Variants in STK4 observed in about 807,000 individuals in gnomAD.
The protein encoded by STK4 is serine/threonine kinase 4, also known as serine/threonine-protein kinase 4.
In STK4, 30 loss-of-function variants were observed where a neutral mutation model predicts 64.9. That is an observed-to-expected ratio of 0.46 (90% CI 0.35 to 0.63). STK4 has a LOEUF of 0.63. Ranked by LOEUF, STK4 falls within the 20% of genes least tolerant of loss-of-function variation. The pLI is 0.01. For synonymous variants in STK4, 177 were observed against 199.0 expected, an observed-to-expected ratio of 0.89 and a Z score of 0.93; for missense variants, 466 against 598.5, an observed-to-expected ratio of 0.78 and a Z score of 2.31.
At chr20:44,981,059 T>C (rs1475474947) in intron 3 of STK4, among the ~76,000 whole-genome samples, 1 of 151,978 alleles carries the variant, frequency 6.6e-6, no homozygotes, top group Non-Finnish European at 1.5e-5. Flanking sequence ...GCCTGCTTTT[T>C]TGTTTGTTTG....
intron 10 of STK4, among the ~76,000 whole-genome samples, chr20:45,050,720 T>A (rs190863969): frequency 6.6e-6 from 1 of 152,164 alleles, no homozygotes; most frequent in African/African-American, 2.4e-5. Flanking sequence ...TAAAGCTTTG[T>A]ATATGGTATC....
intron 5 of STK4, among the ~76,000 whole-genome samples, chr20:44,991,062 G>A (rs1269155312): frequency 6.6e-6 from 1 of 151,902 alleles, no homozygotes; most frequent in South Asian, 2.1e-4. Context: ...TTTTATTCTT[G>A]TAGATTTATT....
In STK4 at chr20:45,001,270, T is replaced by C. The variant is rs35944046; in HGVS notation, c.1064T>C (p.Ile355Thr). 2,645 of 1,614,118 alleles carry C rather than the reference T, an allele frequency of 1.6e-3. 65 individuals are homozygous for C. The East Asian group carries it at 0.049, about 30-fold the overall frequency. ...ATGACTGATGGAGCCAATACTATGA[T>C]TGAGCACGATGACACGTTGCCATCA... ...STMTDGANTM[I>T]EHDDTLPSQL... Residue 355 changes from isoleucine (I) to threonine (T), a missense_variant, in exon 9 of 11, where the codon ATT (isoleucine) becomes ACT (threonine). By Grantham distance (89) the Ile-to-Thr change is moderately conservative. Coordinates refer to ENST00000372806, the MANE Select transcript of STK4 (RefSeq NM_006282.5).
intron 10 of STK4, among the ~76,000 whole-genome samples, chr20:45,045,745 A>G (rs958299192): frequency 1.3e-5 from 2 of 151,724 alleles, no homozygotes; most frequent in Non-Finnish European, 2.9e-5. Flanking sequence ...TTTCTTATTT[A>G]CTTTCTAATT....
rs1980777884 is a variant in STK4 at position 45,079,898 on chromosome 20, C to T, written c.*4722C>T. 1 of 152,352 alleles carries T rather than the reference C, an allele frequency of 6.6e-6. No individual in the cohort carries two copies. Among genetic ancestry groups the T allele is most frequent in the Non-Finnish European group, 1.5e-5 (1 of 68,016 alleles). 9.4% of individuals were successfully genotyped at this position (152,352 alleles called of 1,614,324 possible). A position where few individuals can be genotyped will look rare whatever the true frequency, so the allele number is the denominator to read the frequency against. ...TTAGAATTGTTGTTCTCCTTCTTTT[C>T]TTCTTCCTATACCTCATCACGTTTG... On this transcript the variant is annotated 3_prime_UTR_variant, in exon 11 of 11. Coordinates refer to ENST00000372806, the MANE Select transcript of STK4 (RefSeq NM_006282.5).
At chr20:45,022,159 A>G (rs990928254) in intron 9 of STK4, among the ~76,000 whole-genome samples, 3 of 152,206 alleles carry the variant, frequency 2.0e-5, no homozygotes, top group Non-Finnish European at 4.4e-5. Context: ...TGGCAATCTG[A>G]TAAATGTAAC....
intron 9 of STK4, among the ~76,000 whole-genome samples, chr20:45,005,842 G>A (rs1172418452): frequency 6.6e-6 from 1 of 151,772 alleles, no homozygotes; most frequent in Non-Finnish European, 1.5e-5. Context: ...AATTTGTATG[G>A]TTAATAAAAG....
At chr20:44,986,917 T>C (rs982165099) in intron 4 of STK4, among the ~76,000 whole-genome samples, 1 of 152,158 alleles carries the variant, frequency 6.6e-6, no homozygotes, top group African/African-American at 2.4e-5. Context: ...CTAGGTATTC[T>C]AGTTGGAGAT....
intron 10 of STK4, among the ~76,000 whole-genome samples, chr20:45,034,087 A>G (rs1269794798): frequency 6.6e-6 from 1 of 152,114 alleles, no homozygotes; most frequent in Non-Finnish European, 1.5e-5. Context: ...ACAAAATTCA[A>G]ATCCCTGTAA....
Position 44,997,178 on chromosome 20 carries a change from A to C in STK4, c.703A>C (p.Met235Leu). The C allele has an allele frequency of 6.2e-7, 1 of 1,613,872 alleles. No homozygotes were observed. The highest frequency in any genetic ancestry group is 2.2e-5 in the East Asian group (1 of 44,876). Residue 235 changes from methionine (M) to leucine (L), a missense_variant, in exon 7 of 11, where the codon ATG (methionine) becomes CTG (leucine). Coordinates refer to ENST00000372806, the MANE Select transcript of STK4 (RefSeq NM_006282.5). ...TGTTTGTTCTAACCAGGCAATCTTC[A>C]TGATTCCTACAAATCCTCCTCCCAC... ...ADIHPMRAIF[M>L]IPTNPPPTFR...
intron 7 of STK4, among the ~76,000 whole-genome samples, chr20:44,999,394 T>TC (rs1303368185): frequency 6.6e-6 from 1 of 152,176 alleles, no homozygotes; most frequent in East Asian, 1.9e-4. Context: ...AGGTATACTG[T>TC]CCATCTCTGG....
At chr20:45,005,336 G>T (rs2145706545) in intron 9 of STK4, among the ~76,000 whole-genome samples, 1 of 151,516 alleles carries the variant, frequency 6.6e-6, no homozygotes, top group Non-Finnish European at 1.5e-5. Context: ...TATTGCTTTG[G>T]TTCACCAGGT....
chr20:44,966,689 G>A, intron 1 of STK4, 86 bp downstream of exon 1: 1 of 1,240,366 alleles, frequency 8.1e-7, no homozygotes, highest in Admixed American at 4.2e-5. Flanking sequence ...CTGTGTGGGA[G>A]TCCCCGGAGC....
intron 10 of STK4, among the ~76,000 whole-genome samples, chr20:45,039,687 C>T (rs1009203494): frequency 6.6e-5 from 10 of 152,110 alleles, no homozygotes; most frequent in African/African-American, 2.4e-4. Flanking sequence ...TATATGCGGA[C>T]TTCCCATTTC....
intron 10 of STK4, among the ~76,000 whole-genome samples, chr20:45,040,045 A>ATTTT (rs34807441): frequency 7.6e-6 from 1 of 131,666 alleles, no homozygotes; most frequent in African/African-American, 2.8e-5. Context: ...ATCAGGTTCG[A>ATTTT]TTTTTTTTTT....
intron 2 of STK4, chr20:44,974,800 A>G (rs1048318797): frequency 2.6e-5 from 4 of 152,124 alleles, no homozygotes; most frequent in African/African-American, 4.8e-5. Flanking sequence ...GGGAGGATGA[A>G]TGGTTTGTGA....
chr20:45,040,978 A>G (rs2068604344), intron 10 of STK4, among the ~76,000 whole-genome samples: 1 of 152,166 alleles, frequency 6.6e-6, no homozygotes, highest in South Asian at 2.1e-4. Context: ...TCTGACAACA[A>G]TACTGAAAAC....
chr20:45,038,559 C>A (rs913780090), intron 10 of STK4, among the ~76,000 whole-genome samples: 1 of 151,896 alleles, frequency 6.6e-6, no homozygotes, highest in Non-Finnish European at 1.5e-5. Context: ...TTGGAGAAAC[C>A]CAGTTGTTAT....
rs1482576649 is a variant in STK4 at position 45,043,783 on chromosome 20, G to A, written c.1305+18653G>A. ...AAATCCAAAGTTTAAAACACTTCTG[G>A]TCCCAAACATTTTGGTTAAGGGATA... On this transcript the variant is annotated intron_variant, in intron 10 of 10. Coordinates refer to ENST00000372806, the MANE Select transcript of STK4 (RefSeq NM_006282.5). 4.6e-5 allele frequency among the ~76,000 whole-genome samples: 7 copies of A among 152,066 alleles called. 1 individual carries two copies. In the East Asian group the frequency reaches 1.3e-3, roughly 29 times the overall value.
Sources: allele counts gnomAD v4.1 joint callset (sites outside exome capture counted in the v4.1 genomes callset), GRCh38; gene constraint gnomAD v4.1.1; transcripts MANE v1.5; gene names NCBI Gene and HGNC (gene_info 2026-07-23, HGNC 2026-07-21).